The following KIAA1549 variants were observed in gnomAD, a reference collection of about 807,000 sequenced individuals.
KIAA1549 encodes the protein UPF0606 protein KIAA1549.
In KIAA1549, 70 loss-of-function variants were observed where a neutral mutation model predicts 156.4. The observed-to-expected ratio is 0.45, with a 90% CI of 0.37 to 0.55. The LOEUF (loss-of-function observed/expected upper bound fraction) is 0.55. Ranked by LOEUF, KIAA1549 falls within the 20% of genes least tolerant of loss-of-function variation. The probability of loss-of-function intolerance (pLI) is 0.00; values close to 1 mark genes in which losing one functional copy is unlikely to be tolerated. For missense variants in KIAA1549, 2,428 were observed against 2,540.9 expected (o/e 0.96, Z 0.96); for synonymous variants, 1,103 against 1,066.4 (o/e 1.03, Z -0.67).
At chr7:138,854,697 A>C (rs1358993674) in intron 16 of KIAA1549, among the ~76,000 whole-genome samples, 1 of 152,218 alleles carries the variant, frequency 6.6e-6, no homozygotes, top group Non-Finnish European at 1.5e-5. Context: ...CCACTAGATT[A>C]AGCTGCTACC....
At chr7:138,903,530 A>T (rs1811901604) in intron 8 of KIAA1549, 58 bp downstream of exon 8, 1 of 1,558,920 alleles carries the variant, frequency 6.4e-7, no homozygotes, top group Admixed American at 1.7e-5. Flanking sequence ...GTGCACTCAC[A>T]CGCAAGCGCT....
In KIAA1549 at chr7:138,911,282, G is replaced by T. The variant is rs374262068; in HGVS notation, c.3009C>A (p.Ser1003=). Residue 1003 remains serine (S), a synonymous_variant, in exon 4 of 20, where the codon TCC becomes TCA. Coordinates refer to ENST00000422774, the MANE Select transcript of KIAA1549 (RefSeq NM_001164665.2). ...ATATTGCCGTGTAAACGAAAGGACCGGATGTTACCAGAAAAGTGAAGTCAG... is the reference window on the plus strand; with the variant it reads ...ATATTGCCGTGTAAACGAAAGGACCTGATGTTACCAGAAAAGTGAAGTCAG... The part of the protein sequence containing the change: ...LFTDFTFLVT[S]GPFVYTAISV... 2 of 1,602,034 alleles carry T rather than the reference G, an allele frequency of 1.2e-6. No individual in the cohort carries two copies. The highest frequency in any genetic ancestry group is 1.1e-5 in the South Asian group (1 of 88,450).
chr7:138,898,502 T>C (rs1811752868), intron 9 of KIAA1549, among the ~76,000 whole-genome samples: 1 of 152,110 alleles, frequency 6.6e-6, no homozygotes, highest in Non-Finnish European at 1.5e-5. Context: ...CAAGGACTTC[T>C]CTGTGTTAAA....
chr7:138,899,137 A>G lies in KIAA1549; in HGVS notation c.3670-5T>C, dbSNP rs1239905982. The G allele has an allele frequency of 3.7e-6, 6 of 1,613,096 alleles. No homozygotes were observed. The highest frequency in any genetic ancestry group is 4.2e-6 in the Non-Finnish European group (5 of 1,179,304). ...CAGCCTCGACACATTTACCACCTGA[A>G]AGATAGCAGAAACCATTCACATTGC... On this transcript the variant is annotated splice_polypyrimidine_tract_variant and splice_region_variant and intron_variant, in intron 8 of 19. Coordinates refer to ENST00000422774, the MANE Select transcript of KIAA1549 (RefSeq NM_001164665.2).
rs367601456 is a variant in KIAA1549 at position 138,917,949 on chromosome 7, C to A, written c.1677G>T (p.Ser559=). 1 of 1,592,448 alleles carries A rather than the reference C, an allele frequency of 6.3e-7. No homozygotes were observed. Among genetic ancestry groups the A allele is most frequent in the South Asian group, 1.1e-5 (1 of 87,672 alleles). Residue 559 remains serine, a synonymous_variant, in exon 2 of 20, where the codon TCG becomes TCT. Coordinates refer to ENST00000422774, the MANE Select transcript of KIAA1549 (RefSeq NM_001164665.2). ...AGTCAAGGAGAATGCTGGTGATGACCGAGAAAAATGCAGTGGTCACGCTGG... is the reference window on the plus strand; with the variant it reads ...AGTCAAGGAGAATGCTGGTGATGACAGAGAAAAATGCAGTGGTCACGCTGG... ...TPSSVTTAFF[S]VITSILLDSS...
At position 138,912,603 on chromosome 7, in the gene KIAA1549, G is replaced by A. The variant is rs1812201249; in HGVS notation, c.2879-143C>T. The A allele has an allele frequency of 4.5e-6, 3 of 669,754 alleles. No individual in the cohort carries two copies. In the East Asian group the frequency reaches 8.2e-5, roughly 18 times the overall value. The allele number at this position is 669,754 out of a possible 1,614,324, so 41.5% of individuals were successfully genotyped here. A position where few individuals can be genotyped will look rare whatever the true frequency, so the allele number is the denominator to read the frequency against. The stretch of plus-strand genomic sequence containing the variant: ...GTAAAATAAAGGCCAGACCAAGACA[G>A]AACAGGGGTTAAGGATCTAGTTGCT... On this transcript the variant is annotated intron_variant, in intron 2 of 19. Coordinates refer to ENST00000422774, the MANE Select transcript of KIAA1549 (RefSeq NM_001164665.2).
At chr7:138,872,713 T>G (rs1810975317) in intron 12 of KIAA1549, among the ~76,000 whole-genome samples, 1 of 152,222 alleles carries the variant, frequency 6.6e-6, no homozygotes, top group Admixed American at 6.5e-5. Context: ...GAGACCAGCC[T>G]GGGCAACATA....
chr7:138,940,781 T>C (rs1813161414), intron 1 of KIAA1549, among the ~76,000 whole-genome samples: 3 of 152,264 alleles, frequency 2.0e-5, no homozygotes, highest in African/African-American at 7.2e-5. Context: ...ATGAGCATTT[T>C]TTCATGTGTC....
At chr7:138,853,141 T>C (rs563130597) in intron 16 of KIAA1549, among the ~76,000 whole-genome samples, 4 of 152,374 alleles carry the variant, frequency 2.6e-5, no homozygotes, top group South Asian at 2.1e-4. Flanking sequence ...ACAGTAACTA[T>C]GGGCAGAGTC....
At chr7:138,958,952 T>C (rs1288542144) in intron 1 of KIAA1549, among the ~76,000 whole-genome samples, 3 of 152,168 alleles carry the variant, frequency 2.0e-5, no homozygotes, top group African/African-American at 4.8e-5. Flanking sequence ...CAGGCTGGAG[T>C]GCAGTGGCAC....
intron 1 of KIAA1549, among the ~76,000 whole-genome samples, chr7:138,966,124 C>T (rs578013575): frequency 3.3e-5 from 5 of 152,240 alleles, no homozygotes; most frequent in African/African-American, 1.2e-4. Context: ...CTGTGTGCCC[C>T]CAAAATTCAC....
intron 1 of KIAA1549, among the ~76,000 whole-genome samples, chr7:138,951,230 C>T (rs1184786174): frequency 6.6e-6 from 1 of 152,074 alleles, no homozygotes; most frequent in Non-Finnish European, 1.5e-5. Context: ...CATGCCCAGC[C>T]GCATCCTCCC....
chr7:138,971,020 T>G (rs1162975329), intron 1 of KIAA1549, among the ~76,000 whole-genome samples: 2 of 152,212 alleles, frequency 1.3e-5, no homozygotes, highest in Non-Finnish European at 2.9e-5. Context: ...AGGAAACCAC[T>G]AGGAGTGAGG....
intron 1 of KIAA1549, among the ~76,000 whole-genome samples, chr7:138,933,369 A>G (rs1303270336): frequency 1.3e-5 from 2 of 152,368 alleles, no homozygotes; most frequent in East Asian, 1.9e-4. Flanking sequence ...GATATTGTAC[A>G]AAAGACCTGA....
At chr7:138,858,035 T>A (rs1463210858) in intron 16 of KIAA1549, among the ~76,000 whole-genome samples, 1 of 152,214 alleles carries the variant, frequency 6.6e-6, no homozygotes, top group African/African-American at 2.4e-5. Flanking sequence ...CATCTTGGTA[T>A]CTGTTTTCAG....
At chr7:138,937,781 G>C (rs1368803942) in intron 1 of KIAA1549, among the ~76,000 whole-genome samples, 2 of 152,144 alleles carry the variant, frequency 1.3e-5, no homozygotes, top group Non-Finnish European at 2.9e-5. Context: ...AACTCGGGGT[G>C]GATGGAAATG....
intron 1 of KIAA1549, among the ~76,000 whole-genome samples, chr7:138,922,152 C>T (rs1812582598): frequency 6.6e-6 from 1 of 152,202 alleles, no homozygotes; most frequent in African/African-American, 2.4e-5. Context: ...TGTCTCAGCT[C>T]TGACTTTGTA....
intron 3 of KIAA1549, among the ~76,000 whole-genome samples, chr7:138,911,878 G>A (rs1488233835): frequency 2.6e-5 from 4 of 152,194 alleles, no homozygotes; most frequent in Non-Finnish European, 5.9e-5. Flanking sequence ...CTGCTGTATC[G>A]CCATGCGTGG....
At chr7:138,904,095 T>C (rs1248041519) in intron 7 of KIAA1549, among the ~76,000 whole-genome samples, 1 of 152,198 alleles carries the variant, frequency 6.6e-6, no homozygotes, top group African/African-American at 2.4e-5. Context: ...AAACATTTTG[T>C]CTGCACTTAT....
Sources: gnomAD v4.1 joint callset for allele counts (sites outside exome capture counted in the v4.1 genomes callset) on GRCh38, gnomAD v4.1.1 for gene constraint, MANE v1.5 for transcripts, NCBI Gene and HGNC (gene_info 2026-07-23, HGNC 2026-07-21) for gene names.